Variants in CSRNP3 observed in about 807,000 individuals in gnomAD.
CSRNP3 encodes the protein cysteine and serine rich nuclear protein 3.
A neutral mutation model predicts 48.0 loss-of-function variants in CSRNP3; 12 were observed. That is an observed-to-expected ratio of 0.25 (90% confidence interval 0.16 to 0.41). CSRNP3 has a LOEUF of 0.41. Ranked by LOEUF, CSRNP3 falls within the 10% of genes least tolerant of loss-of-function variation. The pLI is 1.00. For missense variants in CSRNP3, 580 were observed against 724.4 expected (o/e 0.80, Z 2.29); for synonymous variants, 263 against 269.7 (o/e 0.98, Z 0.24).
At chr2:165,534,044 A>G (rs534869372) in intron 3 of CSRNP3, among the ~76,000 whole-genome samples, 429 of 152,198 alleles carry the variant, frequency 2.8e-3, no homozygotes, top group Non-Finnish European at 4.6e-3. Context: ...GCAAAAGTAA[A>G]GAAAGAAAAT....
At chr2:165,510,060 C>T (rs1684481242) in intron 2 of CSRNP3, among the ~76,000 whole-genome samples, 1 of 152,172 alleles carries the variant, frequency 6.6e-6, no homozygotes, top group Non-Finnish European at 1.5e-5. Context: ...CATATTGAAT[C>T]ATATCGGGGA....
chr2:165,646,686 C>T (rs1042882064), intron 4 of CSRNP3, among the ~76,000 whole-genome samples: 1 of 152,006 alleles, frequency 6.6e-6, no homozygotes, highest in Non-Finnish European at 1.5e-5. Context: ...GTTGCAACAG[C>T]GCGGGTATTC....
intron 3 of CSRNP3, among the ~76,000 whole-genome samples, chr2:165,521,742 G>C (rs564048751): frequency 6.6e-6 from 1 of 152,210 alleles, no homozygotes; most frequent in African/African-American, 2.4e-5. Flanking sequence ...ATTGGGGGAG[G>C]GGAGAGAGCT....
chr2:165,525,764 G>A (rs1051362029), intron 3 of CSRNP3, among the ~76,000 whole-genome samples: 1 of 152,094 alleles, frequency 6.6e-6, no homozygotes, highest in Admixed American at 6.5e-5. Flanking sequence ...GGGATTAACA[G>A]GCATGAACCA....
At chr2:165,582,073 T>C (rs529890226) in intron 3 of CSRNP3, among the ~76,000 whole-genome samples, 1 of 152,340 alleles carries the variant, frequency 6.6e-6, no homozygotes, top group South Asian at 2.1e-4. Context: ...GATAAATGCA[T>C]AGACCAGGTG....
At chr2:165,670,176 A>T (rs1222457287) in intron 5 of CSRNP3, among the ~76,000 whole-genome samples, 1 of 152,122 alleles carries the variant, frequency 6.6e-6, no homozygotes, top group Non-Finnish European at 1.5e-5. Context: ...GCCTTCTGTC[A>T]CCACTGTTCA....
chr2:165,507,064 T>A (rs1004964918), intron 2 of CSRNP3, among the ~76,000 whole-genome samples: 2 of 152,192 alleles, frequency 1.3e-5, no homozygotes, highest in African/African-American at 4.8e-5. Context: ...AATAAAATTA[T>A]TTGTAAGTGA....
intron 4 of CSRNP3, among the ~76,000 whole-genome samples, chr2:165,598,953 T>G (rs1220679520): frequency 6.6e-6 from 1 of 152,096 alleles, no homozygotes; most frequent in Non-Finnish European, 1.5e-5. Context: ...AGAAAAGATC[T>G]GAGAGGTTGG....
intron 2 of CSRNP3, among the ~76,000 whole-genome samples, chr2:165,510,022 A>C (rs375866718): frequency 4.6e-5 from 7 of 152,190 alleles, no homozygotes; most frequent in African/African-American, 1.7e-4. Flanking sequence ...GGTTTTTGGG[A>C]AGAACACCAG....
intron 4 of CSRNP3, among the ~76,000 whole-genome samples, chr2:165,599,632 A>C (rs1235733543): frequency 6.6e-6 from 1 of 152,156 alleles, no homozygotes; most frequent in Non-Finnish European, 1.5e-5. Context: ...GAGTAGCTAA[A>C]AGAGTTTCTT....
intron 3 of CSRNP3, among the ~76,000 whole-genome samples, chr2:165,534,040 G>A (rs955726102): frequency 2.0e-5 from 3 of 151,868 alleles, no homozygotes; most frequent in East Asian, 3.9e-4. Flanking sequence ...TGAAGCAAAA[G>A]TAAAGAAAGA....
intron 5 of CSRNP3, among the ~76,000 whole-genome samples, chr2:165,668,103 T>C (rs1687265621): frequency 6.6e-6 from 1 of 152,196 alleles, no homozygotes; most frequent in South Asian, 2.1e-4. Flanking sequence ...AGATAAACAT[T>C]AAATCAATCA....
At chr2:165,549,860 A>G (rs1424211430) in intron 3 of CSRNP3, among the ~76,000 whole-genome samples, 2 of 152,182 alleles carry the variant, frequency 1.3e-5, no homozygotes, top group Non-Finnish European at 2.9e-5. Flanking sequence ...ATTGATGTCT[A>G]GAGATAATCA....
rs544996228 is a variant in CSRNP3 at position 165,594,682 on chromosome 2, T to C, written c.-23-361T>C. Among the ~76,000 whole-genome samples, 7 of 152,316 alleles carry C rather than the reference T, an allele frequency of 4.6e-5. No individual in the cohort carries two copies. In the South Asian group the frequency reaches 1.5e-3, roughly 32 times the overall value. On this transcript the variant is annotated intron_variant, in intron 3 of 6. Transcript: ENST00000651982. ...TTTTTTGTGTTCCAGCTGAATTTCA[T>C]ATAATGTTGTAATCAAGGACTTCAG...
chr2:165,509,822 A>G (rs1385833931), intron 2 of CSRNP3, among the ~76,000 whole-genome samples: 3 of 152,136 alleles, frequency 2.0e-5, no homozygotes, highest in African/African-American at 7.2e-5. Context: ...TTTTTGATAC[A>G]GGATCCAATC....
rs940833523 is a variant in CSRNP3, at chr2:165,622,559, T to A, written c.148+27346T>A. ...TGCTGCTGTGAAGGCTCAATGGGTTTGAGAACTCATGATTCTTCTATCTCG... is the reference window on the plus strand; with the variant it reads ...TGCTGCTGTGAAGGCTCAATGGGTTAGAGAACTCATGATTCTTCTATCTCG... On this transcript the variant is annotated intron_variant, in intron 4 of 6. Transcript: ENST00000651982. Among the ~76,000 whole-genome samples, 4 of 152,202 alleles carry A rather than the reference T, an allele frequency of 2.6e-5. No homozygotes were observed. The East Asian group carries it at 7.7e-4, about 29-fold the overall frequency.
At chr2:165,562,399 G>A (rs1196779831) in intron 3 of CSRNP3, among the ~76,000 whole-genome samples, 1 of 152,166 alleles carries the variant, frequency 6.6e-6, no homozygotes, top group Non-Finnish European at 1.5e-5. Context: ...TGTGTTACCA[G>A]CTGTGGAACA....
chr2:165,471,183 A>G (rs889886397), intron 1 of CSRNP3, among the ~76,000 whole-genome samples: 1 of 152,022 alleles, frequency 6.6e-6, no homozygotes, highest in African/African-American at 2.4e-5. Context: ...TAACATGTTT[A>G]TATGGTTAAG....
chr2:165,502,144 G>A (rs1285182476), intron 2 of CSRNP3, among the ~76,000 whole-genome samples: 1 of 151,860 alleles, frequency 6.6e-6, no homozygotes, highest in African/African-American at 2.4e-5. Flanking sequence ...GCAATTAGTT[G>A]AATAATCTTT....
Sources: allele counts gnomAD v4.1 joint callset (sites outside exome capture counted in the v4.1 genomes callset), GRCh38; gene constraint gnomAD v4.1.1; transcripts MANE v1.5; gene names NCBI Gene and HGNC (gene_info 2026-07-23, HGNC 2026-07-21).